The following AGR2 variants were observed in gnomAD, a reference collection of about 807,000 sequenced individuals.
AGR2 encodes anterior gradient 2, protein disulphide isomerase family member.
Under a neutral mutation model 25.9 loss-of-function variants are expected in AGR2, and 27 were observed. The ratio of observed to expected loss-of-function variants is 1.04; its 90% CI spans 0.77 to 1.44. AGR2 has a LOEUF of 1.44. Ranked by LOEUF, AGR2 falls within the 40% of genes most tolerant of loss-of-function variation. The pLI, the probability that AGR2 is intolerant of heterozygous loss-of-function variation, is 0.00. For missense variants in AGR2, 182 were observed against 200.9 expected, an observed-to-expected ratio of 0.91 and a Z score of 0.57; for synonymous variants, 78 against 72.0, an observed-to-expected ratio of 1.08 and a Z score of -0.42.
At chr7:16,794,652 C>G in intron 7 of AGR2, 3 of 660,010 alleles carry the variant, frequency 4.5e-6, no homozygotes, top group Non-Finnish European at 7.5e-6. Flanking sequence ...GCTCGTGTAC[C>G]TAACAGAAAA....
intron 6 of AGR2, among the ~76,000 whole-genome samples, chr7:16,796,952 C>T (rs1284012647): frequency 3.3e-5 from 5 of 151,610 alleles, no homozygotes; most frequent in Middle Eastern, 3.4e-3. Flanking sequence ...GACAGAATCT[C>T]GCTCTGTTGC....
chr7:16,804,202 TAAACCACCTCA>T (rs1299098181), intron 1 of AGR2, among the ~76,000 whole-genome samples: 1 of 149,112 alleles, frequency 6.7e-6, no homozygotes, highest in Non-Finnish European at 1.5e-5. Context: ...ATTTCCTGCA[TAAACCACCTCA>T]AAACACAATT....
At chr7:16,801,130 A>G in intron 4 of AGR2, 21 bp downstream of exon 4, 1 of 1,607,606 alleles carries the variant, frequency 6.2e-7, no homozygotes, top group Non-Finnish European at 8.5e-7. Context: ...AAAGGAAATC[A>G]TACTTAGAAG....
intron 1 of AGR2, among the ~76,000 whole-genome samples, chr7:16,804,591 C>T (rs761135134): frequency 4.3e-4 from 66 of 152,188 alleles, no homozygotes; most frequent in South Asian, 6.2e-4. Context: ...TGCTTTAGCC[C>T]GTGGGAAAGA....
intron 1 of AGR2, 97 bp from the exon 2 acceptor site, chr7:16,801,900 T>A (rs2115360507): frequency 1.3e-5 from 14 of 1,059,888 alleles, no homozygotes; most frequent in African/African-American, 1.6e-5. Context: ...TACCAGAAAC[T>A]GAGGCTCTGC....
chr7:16,802,865 C>A (rs1485506528), intron 1 of AGR2, among the ~76,000 whole-genome samples: 1 of 152,120 alleles, frequency 6.6e-6, no homozygotes, highest in East Asian at 1.9e-4. Flanking sequence ...CAAGGGCTCA[C>A]TGTGTTGCCC....
At chr7:16,802,920 C>T (rs908024012) in intron 1 of AGR2, among the ~76,000 whole-genome samples, 5 of 152,052 alleles carry the variant, frequency 3.3e-5, no homozygotes, top group Non-Finnish European at 7.4e-5. Flanking sequence ...GCAACCTCCA[C>T]CTCCTGGGTT....
rs1784971467 is a variant in AGR2 at position 16,791,881 on chromosome 7, C to G, written c.*1027G>C. The G allele has an allele frequency of 1.3e-5, 2 of 152,196 alleles. No homozygotes were observed. The highest frequency in any genetic ancestry group is 4.1e-4 in the South Asian group (2 of 4,824). 9.4% of individuals were successfully genotyped at this position (152,196 alleles called of 1,614,324 possible). On this transcript the variant is annotated 3_prime_UTR_variant, in exon 8 of 8. Transcript: ENST00000419304. ...AACAGATACTGCAAAGCATTATATA[C>G]AGCACCATAGTCCAGGGGCCAAAGA...
Position 16,792,205 on chromosome 7 carries a change from C to T in AGR2, c.*703G>A, listed in dbSNP as rs531389101. ...ATTACAAGGTCAATTCCCAGGATTTCTTCAGGGTGTGTTCAGGAGTGCAGA... is the reference window on the plus strand; with the variant it reads ...ATTACAAGGTCAATTCCCAGGATTTTTTCAGGGTGTGTTCAGGAGTGCAGA... On this transcript the variant is annotated 3_prime_UTR_variant, in exon 8 of 8. Coordinates refer to ENST00000419304, the MANE Select transcript of AGR2 (RefSeq NM_006408.4). The T allele has an allele frequency of 6.6e-6, 1 of 152,332 alleles. No homozygotes were observed. Among genetic ancestry groups the T allele is most frequent in the South Asian group, 2.1e-4 (1 of 4,828 alleles). The allele number at this position is 152,332 out of a possible 1,614,324, so 9.4% of individuals were successfully genotyped here.
intron 7 of AGR2, among the ~76,000 whole-genome samples, chr7:16,793,519 G>A (rs1422711152): frequency 6.6e-6 from 1 of 152,188 alleles, no homozygotes; most frequent in Non-Finnish European, 1.5e-5. Context: ...AGCTCTAGCA[G>A]CAGAAGATAA....
At position 16,801,682 on chromosome 7, in the gene AGR2, T is replaced by G; in HGVS notation, c.115A>C (p.Lys39Gln). The G allele has an allele frequency of 6.2e-7, 1 of 1,613,750 alleles. No individual in the cohort carries two copies. Among genetic ancestry groups the G allele is most frequent in the Middle Eastern group, 1.6e-4 (1 of 6,062 alleles). Residue 39 changes from lysine to glutamine, a missense_variant, in exon 2 of 8, where the codon AAA (lysine) becomes CAA (glutamine). By Grantham distance (53) the Lys-to-Gln change is moderately conservative. Coordinates refer to ENST00000419304, the MANE Select transcript of AGR2 (RefSeq NM_006408.4). ...AKKDTKDSRP[K>Q]LPQTLSRGWG... ...CCTCTGGAGAGGGTCTGGGGCAGTT[T>G]GGGTCGAGAGTCCTTTGTGTCCTTT...
chr7:16,794,174 A>G (rs904572993), intron 7 of AGR2, among the ~76,000 whole-genome samples: 3 of 152,198 alleles, frequency 2.0e-5, no homozygotes, highest in East Asian at 1.9e-4. Context: ...GATGATGGAA[A>G]TGTTCAGTGT....
At position 16,797,623 on chromosome 7, in the gene AGR2, C is replaced by G. The variant is rs766310442; in HGVS notation, c.394+8G>C. The G allele has an allele frequency of 6.2e-7, 1 of 1,613,542 alleles. No individual in the cohort carries two copies. Among genetic ancestry groups the G allele is most frequent in the South Asian group, 1.1e-5 (1 of 90,984 alleles). ...TTTCCGAGTTATCTCACTGTCACTT[C>G]CGCTTACCAACAAACATAATCCTGG... On this transcript the variant is annotated splice_region_variant and intron_variant, in intron 6 of 7. Transcript: ENST00000419304.
In AGR2 at chr7:16,792,627, G is replaced by T; in HGVS notation, c.*281C>A. ...AATCCTATTTGGTAAACGAACCACT[G>T]TGAAAGACCAAGTTGGAGAAAACAG... On this transcript the variant is annotated 3_prime_UTR_variant, in exon 8 of 8. Coordinates refer to ENST00000419304, the MANE Select transcript of AGR2 (RefSeq NM_006408.4). The T allele has an allele frequency of 2.6e-6, 1 of 387,822 alleles. No homozygotes were observed. Among genetic ancestry groups the T allele is most frequent in the Non-Finnish European group, 4.7e-6 (1 of 213,546 alleles). The allele number at this position is 387,822 out of a possible 1,614,324, so 24.0% of individuals were successfully genotyped here. A position where few individuals can be genotyped will look rare whatever the true frequency, so the allele number is the denominator to read the frequency against.
In AGR2 at chr7:16,801,209, A is replaced by G; in HGVS notation, c.204-6T>C. ...TAATCATCAAGGGTTTGTTGCTTTA[A>G]AAGACAGAGATTAGACAAATTTTAA... On this transcript the variant is annotated splice_region_variant and splice_polypyrimidine_tract_variant and intron_variant, in intron 3 of 7. Coordinates refer to ENST00000419304, the MANE Select transcript of AGR2 (RefSeq NM_006408.4). 1.2e-6 allele frequency: 2 copies of G among 1,613,894 alleles called. No individual in the cohort carries two copies. The highest frequency in any genetic ancestry group is 1.7e-6 in the Non-Finnish European group (2 of 1,179,868).
Position 16,804,974 on chromosome 7 carries a change from C to G in AGR2, c.-47G>C, listed in dbSNP as rs1234777256. On this transcript the variant is annotated 5_prime_UTR_variant, in exon 1 of 8. Transcript: ENST00000419304. ...CCACCTGCCTTGTGTGAGTCGGCGG[C>G]TAGGATGCGGTCCAAGCTTCTGAGT... 1 of 152,376 alleles carries G rather than the reference C, an allele frequency of 6.6e-6. No individual in the cohort carries two copies. Among genetic ancestry groups the G allele is most frequent in the Non-Finnish European group, 1.5e-5 (1 of 68,090 alleles). The allele number at this position is 152,376 out of a possible 1,614,324, so 9.4% of individuals were successfully genotyped here. A position where few individuals can be genotyped will look rare whatever the true frequency, so the allele number is the denominator to read the frequency against.
intron 2 of AGR2, 67 bp downstream of exon 2, chr7:16,801,591 C>G: frequency 6.3e-7 from 1 of 1,597,134 alleles, no homozygotes. Flanking sequence ...CAGGTTTAAG[C>G]ACCAAGAGAG....
intron 6 of AGR2, among the ~76,000 whole-genome samples, chr7:16,796,304 A>G (rs1368860941): frequency 6.6e-6 from 1 of 152,244 alleles, no homozygotes; most frequent in African/African-American, 2.4e-5. Context: ...ATTCCTGTAC[A>G]AGGTATGAAC....
chr7:16,798,149 G>A (rs1320032556), intron 5 of AGR2, among the ~76,000 whole-genome samples: 1 of 152,228 alleles, frequency 6.6e-6, no homozygotes, highest in African/African-American at 2.4e-5. Flanking sequence ...GAGAGATACA[G>A]GTAGGAAAAT....
Sources: allele counts gnomAD v4.1 joint callset (sites outside exome capture counted in the v4.1 genomes callset), GRCh38; gene constraint gnomAD v4.1.1; transcripts MANE v1.5; gene names NCBI Gene and HGNC (gene_info 2026-07-23, HGNC 2026-07-21).